The following CEP128 variants were observed in gnomAD, a reference collection of about 807,000 sequenced individuals.
CEP128 encodes centrosomal protein 128.
A neutral mutation model predicts 156.7 loss-of-function variants in CEP128; 132 were observed. The ratio of observed to expected loss-of-function variants is 0.84; its 90% CI spans 0.73 to 0.97. The LOEUF (loss-of-function observed/expected upper bound fraction) is 0.97. Ranked by LOEUF, CEP128 falls within the 50% of genes least tolerant of loss-of-function variation. The pLI is 0.00. For synonymous variants in CEP128, 469 were observed against 448.9 expected (o/e 1.04, Z -0.57); for missense variants, 1,252 against 1,281.9 (o/e 0.98, Z 0.36).
chr14:80,629,268 T>A (rs955246678), intron 19 of CEP128, among the ~76,000 whole-genome samples: 16 of 152,196 alleles, frequency 1.1e-4, no homozygotes, highest in Non-Finnish European at 1.9e-4. Flanking sequence ...CTTCTGAGAC[T>A]GGTTTCTTTA....
At chr14:80,779,030 T>C (rs1900952920) in intron 15 of CEP128, among the ~76,000 whole-genome samples, 1 of 152,180 alleles carries the variant, frequency 6.6e-6, no homozygotes, top group South Asian at 2.1e-4. Flanking sequence ...TTCTTTCTAA[T>C]GTCCCTGCTT....
At chr14:80,911,487 C>T (rs1259151891) in intron 4 of CEP128, among the ~76,000 whole-genome samples, 3 of 152,184 alleles carry the variant, frequency 2.0e-5, no homozygotes, top group Non-Finnish European at 2.9e-5. Flanking sequence ...GCCTGGATAA[C>T]ACAGTAAGAC....
intron 9 of CEP128, among the ~76,000 whole-genome samples, chr14:80,856,720 C>CTTTTTTTTTTTTT (rs766724436): frequency 3.7e-4 from 24 of 65,184 alleles, no homozygotes; most frequent in East Asian, 9.8e-4. Flanking sequence ...TTTTTCTTTT[C>CTTTTTTTTTTTTT]TTTTTTTTTT....
chr14:80,722,163 C>T (rs1413927952), intron 19 of CEP128, among the ~76,000 whole-genome samples: 2 of 152,038 alleles, frequency 1.3e-5, no homozygotes, highest in South Asian at 2.1e-4. Flanking sequence ...CCTTTGGAGC[C>T]GAAGATAGCC....
At chr14:80,861,252 A>G (rs1390004966) in intron 9 of CEP128, among the ~76,000 whole-genome samples, 2 of 152,060 alleles carry the variant, frequency 1.3e-5, no homozygotes, top group African/African-American at 2.4e-5. Flanking sequence ...TTTACAATAG[A>G]AAGTACAATA....
intron 15 of CEP128, among the ~76,000 whole-genome samples, chr14:80,779,326 A>AT (rs1357560980): frequency 6.6e-6 from 1 of 152,166 alleles, no homozygotes; most frequent in Non-Finnish European, 1.5e-5. Context: ...TCTTTATTTT[A>AT]TTTACCCCAC....
At chr14:80,907,657 CAAAAAAAAAAAAA>C (rs67715110) in intron 4 of CEP128, among the ~76,000 whole-genome samples, 3 of 64,624 alleles carry the variant, frequency 4.6e-5, no homozygotes, top group Non-Finnish European at 8.9e-5. Context: ...GACTCTGTTT[CAAAAAAAAAAAAA>C]AAAAAAAAAC....
intron 13 of CEP128, among the ~76,000 whole-genome samples, chr14:80,796,064 A>G (rs984597867): frequency 6.6e-6 from 1 of 152,198 alleles, no homozygotes; most frequent in Non-Finnish European, 1.5e-5. Context: ...AAGATCCTGG[A>G]AAGAGTGGTC....
chr14:80,508,787 C>G (rs933115453), intron 23 of CEP128, among the ~76,000 whole-genome samples: 1 of 151,996 alleles, frequency 6.6e-6, no homozygotes, highest in African/African-American at 2.4e-5. Context: ...TTTATGGGTA[C>G]AGCACAGTTG....
At chr14:80,917,766 A>G (rs865873802) in intron 2 of CEP128, among the ~76,000 whole-genome samples, 2 of 152,362 alleles carry the variant, frequency 1.3e-5, no homozygotes, top group African/African-American at 4.8e-5. Flanking sequence ...GACAATAAAG[A>G]GAATGTGCTA....
In CEP128 at chr14:80,627,342, G is replaced by A. The variant is rs192604559; in HGVS notation, c.2807-46919C>T. Among the ~76,000 whole-genome samples the A allele has an allele frequency of 1.4e-4, 22 of 152,314 alleles. No individual in the cohort carries two copies. The East Asian group carries it at 4.2e-3, about 29-fold the overall frequency. On this transcript the variant is annotated intron_variant, in intron 19 of 24. Coordinates refer to ENST00000555265, the MANE Select transcript of CEP128 (RefSeq NM_152446.5). ...CAGCATATTCTGCTTAAGAATGTAA[G>A]TGAAAATAAAGAAATGTAAGAACCT...
At chr14:80,503,167 A>G (rs1010606450) in intron 24 of CEP128, among the ~76,000 whole-genome samples, 3 of 152,182 alleles carry the variant, frequency 2.0e-5, no homozygotes, top group Non-Finnish European at 4.4e-5. Context: ...TAATTAAACT[A>G]ATGAAGAGTT....
intron 19 of CEP128, among the ~76,000 whole-genome samples, chr14:80,674,926 T>C (rs117805283): frequency 0.011 from 1,694 of 152,202 alleles, 22 homozygotes; most frequent in Non-Finnish European, 0.014. Flanking sequence ...TGGATAAACT[T>C]ATAGGGATCC....
chr14:80,532,596 C>A (rs1010217387), intron 21 of CEP128, among the ~76,000 whole-genome samples: 3 of 152,142 alleles, frequency 2.0e-5, no homozygotes, highest in African/African-American at 7.2e-5. Flanking sequence ...TTTCAATGTA[C>A]CCATCCACCC....
chr14:80,767,454 C>T (rs1245889423), intron 16 of CEP128, among the ~76,000 whole-genome samples: 1 of 151,836 alleles, frequency 6.6e-6, no homozygotes, highest in African/African-American at 2.4e-5. Context: ...ATAAACAAGA[C>T]AAAGCAAAAA....
At chr14:80,577,156 CTGT>C (rs1454806428) in intron 20 of CEP128, among the ~76,000 whole-genome samples, 6 of 152,156 alleles carry the variant, frequency 3.9e-5, no homozygotes, top group African/African-American at 1.4e-4. Flanking sequence ...CATCCTTAGC[CTGT>C]TGTTTAAATG....
intron 20 of CEP128, among the ~76,000 whole-genome samples, chr14:80,562,087 C>T (rs892813968): frequency 3.9e-5 from 4 of 103,360 alleles, no homozygotes; most frequent in South Asian, 3.3e-4. Context: ...GCCACCACAT[C>T]CGGCTAATTT....
At chr14:80,927,344 G>C (rs1403755075) in intron 2 of CEP128, among the ~76,000 whole-genome samples, 1 of 152,176 alleles carries the variant, frequency 6.6e-6, no homozygotes, top group Middle Eastern at 3.2e-3. Flanking sequence ...GCTCATGAAG[G>C]ATCTTGGAAA....
chr14:80,595,675 A>G (rs1186733477), intron 19 of CEP128, among the ~76,000 whole-genome samples: 1 of 152,168 alleles, frequency 6.6e-6, no homozygotes, highest in African/African-American at 2.4e-5. Flanking sequence ...AAATAACCCA[A>G]AGGAAGGAAG....
Sources: allele counts gnomAD v4.1 joint callset (sites outside exome capture counted in the v4.1 genomes callset), GRCh38; gene constraint gnomAD v4.1.1; transcripts MANE v1.5; gene names NCBI Gene and HGNC (gene_info 2026-07-23, HGNC 2026-07-21).